Variants in CAMK1D observed in about 807,000 individuals in gnomAD.
CAMK1D encodes the protein calcium/calmodulin-dependent protein kinase type 1D.
CAMK1D carries 9 observed loss-of-function variants against 47.7 expected under a neutral mutation model. The ratio of observed to expected loss-of-function variants is 0.19; its 90% CI spans 0.11 to 0.33. The LOEUF (loss-of-function observed/expected upper bound fraction) is 0.33, where lower values mean the gene tolerates loss of function less well. Ranked by LOEUF, CAMK1D falls within the 10% of genes least tolerant of loss-of-function variation. The pLI is 1.00. For synonymous variants in CAMK1D, 184 were observed against 184.9 expected, an observed-to-expected ratio of 0.99 and a Z score of 0.04; for missense variants, 291 against 488.7, an observed-to-expected ratio of 0.60 and a Z score of 3.81.
rs1439499680 is a variant in CAMK1D, at chr10:12,519,933, T to TG, written c.93-33286dup. Among the ~76,000 whole-genome samples, 7 of 22,748 alleles carry TG rather than the reference T, an allele frequency of 3.1e-4. 3 individuals carry two copies. Among genetic ancestry groups the TG allele is most frequent in the Non-Finnish European group, 5.9e-4 (7 of 11,940 alleles). 14.9% of individuals were successfully genotyped at this position (22,748 alleles called of 152,430 possible). On this transcript the variant is annotated intron_variant, in intron 1 of 10. Transcript: ENST00000619168. ...CTCCCGGACTGGGCGGCTGGCCGGG[T>TG]GGGGGGCTGACCCCCCCACCTCCCT... is the stretch of plus-strand genomic sequence containing the variant.
chr10:12,553,492 A>C, intron 2 of CAMK1D, 136 bp downstream of exon 2: 1 of 655,812 alleles, frequency 1.5e-6, no homozygotes, highest in Non-Finnish European at 2.7e-6. Context: ...AACGATAACC[A>C]ACTTTCAAAG....
intron 1 of CAMK1D, among the ~76,000 whole-genome samples, chr10:12,396,581 C>T (rs1838964642): frequency 6.6e-6 from 1 of 152,202 alleles, no homozygotes; most frequent in African/African-American, 2.4e-5. Flanking sequence ...GGTATTTGAT[C>T]TCTTTTCTGT....
chr10:12,449,040 T>C (rs73569425), intron 1 of CAMK1D, among the ~76,000 whole-genome samples: 550 of 152,354 alleles, frequency 3.6e-3, no homozygotes, highest in African/African-American at 0.012. Flanking sequence ...GTGATTGTTA[T>C]TGTATGATTC....
intron 1 of CAMK1D, among the ~76,000 whole-genome samples, chr10:12,371,827 C>T (rs1384457499): frequency 4.0e-5 from 6 of 151,696 alleles, no homozygotes; most frequent in South Asian, 2.1e-4. Flanking sequence ...CCACCAGGCC[C>T]GGCTAATTTT....
At chr10:12,391,639 A>C (rs942973636) in intron 1 of CAMK1D, among the ~76,000 whole-genome samples, 9 of 152,210 alleles carry the variant, frequency 5.9e-5, no homozygotes, top group African/African-American at 1.9e-4. Flanking sequence ...GAAAAACAAA[A>C]CACCCTAGTC....
chr10:12,751,125 A>C (rs992901770), intron 3 of CAMK1D, among the ~76,000 whole-genome samples: 1 of 137,158 alleles, frequency 7.3e-6, no homozygotes, highest in Non-Finnish European at 1.6e-5. Context: ...AGATAAGATA[A>C]GAAGGCTTCA....
chr10:12,734,339 A>T (rs1835033438), intron 3 of CAMK1D, among the ~76,000 whole-genome samples: 1 of 36,418 alleles, frequency 2.7e-5, no homozygotes, highest in African/African-American at 1.2e-4. Context: ...AAAAAAAAAA[A>T]AAAAAAATAT....
intron 3 of CAMK1D, among the ~76,000 whole-genome samples, chr10:12,708,633 C>T (rs535291907): frequency 1.3e-5 from 2 of 152,178 alleles, no homozygotes; most frequent in Non-Finnish European, 2.9e-5. Flanking sequence ...TCCCTATCCT[C>T]TTTAAAAGTG....
intron 1 of CAMK1D, among the ~76,000 whole-genome samples, chr10:12,545,672 C>G (rs1236954661): frequency 6.6e-6 from 1 of 151,404 alleles, no homozygotes; most frequent in African/African-American, 2.4e-5. Flanking sequence ...TGGTGGCGGG[C>G]ACCTGTAATC....
chr10:12,801,055 T>TA (rs1232942200), intron 6 of CAMK1D, among the ~76,000 whole-genome samples: 1 of 152,180 alleles, frequency 6.6e-6, no homozygotes, highest in Admixed American at 6.5e-5. Context: ...AACATTGCTC[T>TA]TCCTGATGCT....
chr10:12,448,083 ACCTTAAGTGATCCTCCTG>A (rs1832973866), intron 1 of CAMK1D, among the ~76,000 whole-genome samples: 1 of 150,268 alleles, frequency 6.7e-6, no homozygotes, highest in African/African-American at 2.4e-5. Flanking sequence ...CGAACTCCTG[ACCTTAAGTGATCCTCCTG>A]CCTTGGCCTC....
rs138928120 is a variant in CAMK1D, at chr10:12,608,371, T to C, written c.224+55015T>C. Among the ~76,000 whole-genome samples, 789 of 152,354 alleles carry C rather than the reference T, an allele frequency of 5.2e-3. 1 individual carries two copies. The highest frequency in any genetic ancestry group is 8.7e-3 in the Non-Finnish European group (591 of 68,034). On this transcript the variant is annotated intron_variant, in intron 2 of 10. Coordinates refer to ENST00000619168, the MANE Select transcript of CAMK1D (RefSeq NM_153498.4). ...AGGCGGAGGTTACAGTGAGCCGAGA[T>C]TGTGCCATTATAATCCAGCCTGGGC...
chr10:12,460,339 C>T (rs1833387044), intron 1 of CAMK1D, among the ~76,000 whole-genome samples: 1 of 151,720 alleles, frequency 6.6e-6, no homozygotes, highest in Admixed American at 6.6e-5. Context: ...TATCTCCCTG[C>T]AGCCTTGAAC....
chr10:12,662,532 G>T (rs1168506796), intron 2 of CAMK1D, among the ~76,000 whole-genome samples: 1 of 152,076 alleles, frequency 6.6e-6, no homozygotes, highest in Non-Finnish European at 1.5e-5. Context: ...GGCGCCTGTG[G>T]TCCCAGCTAC....
chr10:12,819,383 G>A (rs911825028), intron 8 of CAMK1D, among the ~76,000 whole-genome samples: 1 of 152,214 alleles, frequency 6.6e-6, no homozygotes, highest in African/African-American at 2.4e-5. Flanking sequence ...GCAGGAGACA[G>A]GAAATGAGAC....
intron 10 of CAMK1D, among the ~76,000 whole-genome samples, chr10:12,828,410 G>T (rs1833333118): frequency 2.0e-5 from 3 of 152,270 alleles, no homozygotes; most frequent in South Asian, 4.1e-4. Flanking sequence ...GGAGGCTGAG[G>T]TGGGTGGATC....
chr10:12,693,963 TAA>T (rs1833046967), intron 3 of CAMK1D, among the ~76,000 whole-genome samples: 2 of 37,086 alleles, frequency 5.4e-5, no homozygotes, highest in African/African-American at 9.4e-5. Flanking sequence ...ATATTATATA[TAA>T]AATATATAAT....
At chr10:12,639,090 G>A (rs1180675661) in intron 2 of CAMK1D, among the ~76,000 whole-genome samples, 2 of 152,244 alleles carry the variant, frequency 1.3e-5, no homozygotes, top group South Asian at 4.1e-4. Flanking sequence ...GAATGTGTAT[G>A]TGAATTCATT....
chr10:12,614,968 C>T (rs1426526671), intron 2 of CAMK1D, among the ~76,000 whole-genome samples: 16 of 152,176 alleles, frequency 1.1e-4, no homozygotes, highest in Admixed American at 9.8e-4. Context: ...ACCAGCTAAT[C>T]AACTCAGCAG....
Sources: allele counts gnomAD v4.1 joint callset (sites outside exome capture counted in the v4.1 genomes callset), GRCh38; gene constraint gnomAD v4.1.1; transcripts MANE v1.5; gene names NCBI Gene and HGNC (gene_info 2026-07-23, HGNC 2026-07-21).